The following ABI3BP variants were observed in gnomAD, a reference collection of about 807,000 sequenced individuals.
The protein encoded by ABI3BP is target of Nesh-SH3.
A neutral mutation model predicts 268.6 loss-of-function variants in ABI3BP; 216 were observed. That is an observed-to-expected ratio of 0.80 (90% CI 0.72 to 0.90). The LOEUF is 0.90. Among genes scored for constraint, ABI3BP ranks in the 40% least tolerant of loss-of-function variants. The probability of loss-of-function intolerance (pLI) is 0.00; values close to 1 mark genes in which losing one functional copy is unlikely to be tolerated. For synonymous variants in ABI3BP, 730 were observed against 730.0 expected (o/e 1.00, Z 0.00); for missense variants, 2,090 against 2,182.4 (o/e 0.96, Z 0.84).
chr3:100,950,214 G>A (rs2074345069), intron 1 of ABI3BP, among the ~76,000 whole-genome samples: 1 of 152,104 alleles, frequency 6.6e-6, no homozygotes, highest in Non-Finnish European at 1.5e-5. Context: ...TCCCTAGCAC[G>A]GTGCCTGGCA....
Position 100,833,127 on chromosome 3 carries a change from G to A in ABI3BP, c.2312C>T (p.Ser771Leu). 3.3e-6 allele frequency: 5 copies of A among 1,534,730 alleles called. No homozygotes were observed. Among genetic ancestry groups the A allele is most frequent in the Non-Finnish European group, 4.4e-6 (5 of 1,145,986 alleles). ...DFGPITPGTS[S>L]APTTTTKRTR... ...TGAAGGACATAGAGAGTCATTACCT[G>A]AAGATGTCCCAGGAGTAATAGGTCC... The change falls in exon 30 of 68, where the codon TCA becomes TTA. Residue 771 changes from serine (S) to leucine (L), a missense_variant and splice_region_variant. Coordinates refer to ENST00000471714, the MANE Select transcript of ABI3BP (RefSeq NM_001375547.2).
At chr3:100,926,635 A>C (rs1159748160) in intron 1 of ABI3BP, among the ~76,000 whole-genome samples, 154 bp from the exon 2 acceptor site, 1 of 152,182 alleles carries the variant, frequency 6.6e-6, no homozygotes, top group African/African-American at 2.4e-5. Context: ...CCAAACGCCC[A>C]AAATGAAGCT....
chr3:100,789,875 C>G (rs554816772), intron 55 of ABI3BP, among the ~76,000 whole-genome samples: 1 of 151,918 alleles, frequency 6.6e-6, no homozygotes, highest in Non-Finnish European at 1.5e-5. Flanking sequence ...ATCCATCCAT[C>G]TAATCTCTCA....
chr3:100,963,328 C>T (rs555542742), intron 1 of ABI3BP, among the ~76,000 whole-genome samples: 17 of 152,112 alleles, frequency 1.1e-4, no homozygotes, highest in Non-Finnish European at 2.1e-4. Flanking sequence ...GGCTAGAAAC[C>T]CAGGAGTCAT....
intron 3 of ABI3BP, among the ~76,000 whole-genome samples, chr3:100,900,353 C>T (rs993960433): frequency 2.0e-5 from 3 of 152,300 alleles, no homozygotes; most frequent in Non-Finnish European, 2.9e-5. Flanking sequence ...TTTTCACTAA[C>T]GTGATGCAAC....
chr3:100,773,883 A>C (rs1033658230), intron 61 of ABI3BP, among the ~76,000 whole-genome samples: 1 of 152,222 alleles, frequency 6.6e-6, no homozygotes, highest in Non-Finnish European at 1.5e-5. Flanking sequence ...AAAATTTCAT[A>C]AAGTACATAC....
rs184672111 is a variant in ABI3BP, at chr3:100,976,546, C to T, written c.79+16760G>A. 2.0e-5 allele frequency among the ~76,000 whole-genome samples: 3 copies of T among 152,256 alleles called. No individual in the cohort carries two copies. The East Asian group carries it at 5.8e-4, about 29-fold the overall frequency. Reference sequence around the variant, plus strand: ...GATATAAATTCCACCAGGATGGTAACCATTTTTCTTCTTTCTTTATTTATT... The same window carrying T: ...GATATAAATTCCACCAGGATGGTAATCATTTTTCTTCTTTCTTTATTTATT... On this transcript the variant is annotated intron_variant, in intron 1 of 67. Transcript: ENST00000471714.
At chr3:100,832,156 C>T in intron 31 of ABI3BP, 108 bp downstream of exon 31, 1 of 1,075,354 alleles carries the variant, frequency 9.3e-7, no homozygotes. Flanking sequence ...AGCTTTTACT[C>T]TTAAGAGATA....
chr3:100,939,631 T>A (rs1379556620), intron 1 of ABI3BP, among the ~76,000 whole-genome samples: 1 of 151,994 alleles, frequency 6.6e-6, no homozygotes, highest in East Asian at 1.9e-4. Flanking sequence ...GGTAATAGAA[T>A]ATCACAAGGC....
At chr3:100,838,605 T>C (rs2098642438) in intron 24 of ABI3BP, 141 bp from the exon 25 acceptor site, 2 of 719,270 alleles carry the variant, frequency 2.8e-6, no homozygotes, top group Non-Finnish European at 4.6e-6. Flanking sequence ...GTGAAAAGAG[T>C]GTCTATTTTA....
chr3:100,917,968 G>T (rs1055080844), intron 2 of ABI3BP, among the ~76,000 whole-genome samples: 2 of 152,036 alleles, frequency 1.3e-5, no homozygotes, highest in African/African-American at 4.8e-5. Context: ...TTAAGAAATT[G>T]ATACCTATTA....
intron 6 of ABI3BP, 117 bp downstream of exon 6, chr3:100,885,419 T>G (rs1370884185): frequency 2.0e-6 from 1 of 507,810 alleles, no homozygotes; most frequent in Non-Finnish European, 3.4e-6. Flanking sequence ...AAGTACTTTC[T>G]CCACTGTTTC....
At chr3:100,800,669 C>T (rs909846002) in intron 51 of ABI3BP, among the ~76,000 whole-genome samples, 6 of 152,062 alleles carry the variant, frequency 3.9e-5, no homozygotes, top group Admixed American at 2.0e-4. Context: ...TAAGTAGAGA[C>T]GGGGTTTCAC....
rs2068769152 is a variant in ABI3BP at position 100,940,825 on chromosome 3, T to TAC, written c.80-14345_80-14344insGT. On this transcript the variant is annotated intron_variant, in intron 1 of 67. Transcript: ENST00000471714. Reference sequence around the variant, plus strand: ...ATATATATATATATATATATATATATATATATGATATGATGAGTCAGGAAT... The same window carrying TAC: ...ATATATATATATATATATATATATATACATATATGATATGATGAGTCAGGAAT... 2.2e-5 allele frequency among the ~76,000 whole-genome samples: 2 copies of TAC among 92,990 alleles called. 1 individual carries two copies. Among genetic ancestry groups the TAC allele is most frequent in the Non-Finnish European group, 4.3e-5 (2 of 46,410 alleles). The allele number at this position is 92,990 out of a possible 152,430, so 61.0% of individuals were successfully genotyped here.
chr3:100,829,523 C>G, intron 33 of ABI3BP, 58 bp downstream of exon 33: 1 of 1,448,550 alleles, frequency 6.9e-7, no homozygotes, highest in Admixed American at 2.0e-5. Context: ...ACTTCATTCT[C>G]TTTGGGTCCC....
At chr3:100,838,567 C>G (rs1284204666) in intron 24 of ABI3BP, 103 bp from the exon 25 acceptor site, 2 of 975,524 alleles carry the variant, frequency 2.1e-6, no homozygotes, top group African/African-American at 1.6e-5. Flanking sequence ...TTCAACGAAT[C>G]TATAAACATT....
At chr3:100,930,403 C>T (rs757506317) in intron 1 of ABI3BP, among the ~76,000 whole-genome samples, 28 of 151,898 alleles carry the variant, frequency 1.8e-4, no homozygotes, top group Non-Finnish European at 3.7e-4. Context: ...CTTGGATCTA[C>T]GATGGTGGTT....
At chr3:100,927,471 A>T (rs138302351) in intron 1 of ABI3BP, among the ~76,000 whole-genome samples, 14 of 142,818 alleles carry the variant, frequency 9.8e-5, no homozygotes, top group Admixed American at 2.2e-4. Flanking sequence ...TGCTATAAAG[A>T]GATATCTGAA....
At chr3:100,837,061 A>G in intron 27 of ABI3BP, 63 bp downstream of exon 27, 3 of 1,416,218 alleles carry the variant, frequency 2.1e-6, no homozygotes, top group East Asian at 5.0e-5. Flanking sequence ...TAGCTAATGA[A>G]AAAAGAGATG....
Sources: gnomAD v4.1 joint callset for allele counts (sites outside exome capture counted in the v4.1 genomes callset) on GRCh38, gnomAD v4.1.1 for gene constraint, MANE v1.5 for transcripts, NCBI Gene and HGNC (gene_info 2026-07-23, HGNC 2026-07-21) for gene names.